Variants in NLK observed in about 807,000 individuals in gnomAD.
NLK encodes serine/threonine-protein kinase NLK.
Under a neutral mutation model 59.0 loss-of-function variants are expected in NLK, and 11 were observed. That is an observed-to-expected ratio of 0.19 (90% CI 0.12 to 0.31). The LOEUF (loss-of-function observed/expected upper bound fraction) is 0.31, where lower values mean the gene tolerates loss of function less well. Among genes scored for constraint, NLK ranks in the 10% least tolerant of loss-of-function variants. The pLI is 1.00. For missense variants in NLK, 410 were observed against 661.1 expected (o/e 0.62, Z 4.16); for synonymous variants, 235 against 235.9 (o/e 1.00, Z 0.03).
chr17:28,083,690 C>T (rs1910421301), intron 1 of NLK, among the ~76,000 whole-genome samples: 1 of 152,252 alleles, frequency 6.6e-6, no homozygotes, highest in African/African-American at 2.4e-5. Flanking sequence ...CATTCTTTGA[C>T]ATGGATTTAT....
chr17:28,115,796 A>G (rs1365648005), intron 1 of NLK, among the ~76,000 whole-genome samples: 1 of 151,984 alleles, frequency 6.6e-6, no homozygotes, highest in Non-Finnish European at 1.5e-5. Flanking sequence ...CTTGTATAGA[A>G]GTCTTGAGTA....
chr17:28,140,629 G>C (rs986282428), intron 3 of NLK, among the ~76,000 whole-genome samples: 1 of 152,012 alleles, frequency 6.6e-6, no homozygotes, highest in Admixed American at 6.6e-5. Flanking sequence ...TACAAAATAT[G>C]GTTGTTGCCA....
At chr17:28,045,435 G>C (rs560997267) in intron 1 of NLK, among the ~76,000 whole-genome samples, 1 of 152,148 alleles carries the variant, frequency 6.6e-6, no homozygotes, top group Non-Finnish European at 1.5e-5. Flanking sequence ...TCAAGGTACA[G>C]GTTTGGTTTC....
At chr17:28,095,147 G>A (rs1904656166) in intron 1 of NLK, among the ~76,000 whole-genome samples, 1 of 152,150 alleles carries the variant, frequency 6.6e-6, no homozygotes, top group Non-Finnish European at 1.5e-5. Flanking sequence ...GAAAAGGATT[G>A]TCCTCATGGG....
chr17:28,178,188 A>G (rs1908759715), intron 7 of NLK, among the ~76,000 whole-genome samples: 1 of 152,214 alleles, frequency 6.6e-6, no homozygotes, highest in African/African-American at 2.4e-5. Flanking sequence ...ATATTGGGTT[A>G]GCCATCCCAT....
chr17:28,176,561 A>G (rs1222765834), intron 7 of NLK, among the ~76,000 whole-genome samples: 2 of 152,230 alleles, frequency 1.3e-5, no homozygotes, highest in African/African-American at 2.4e-5. Flanking sequence ...GCCTAATGTC[A>G]TAAGCCAGAT....
At position 28,042,706 on chromosome 17, in the gene NLK, G is replaced by C; in HGVS notation, c.-168G>C. The C allele has an allele frequency of 3.7e-6, 2 of 546,620 alleles. No homozygotes were observed. The highest frequency in any genetic ancestry group is 6.0e-6 in the Non-Finnish European group (2 of 331,854). The allele number at this position is 546,620 out of a possible 1,614,324, so 33.9% of individuals were successfully genotyped here. Reference sequence around the variant, plus strand: ...TGGCAACCCACACCCTTCCACACACGCTCACCCCAAAATTAAACACCAAGA... The same window carrying C: ...TGGCAACCCACACCCTTCCACACACCCTCACCCCAAAATTAAACACCAAGA... On this transcript the variant is annotated 5_prime_UTR_variant, in exon 1 of 11. Transcript: ENST00000407008.
chr17:28,103,946 T>C (rs1193853405), intron 1 of NLK, among the ~76,000 whole-genome samples: 1 of 152,372 alleles, frequency 6.6e-6, no homozygotes, highest in East Asian at 1.9e-4. Context: ...AGAATTCTTT[T>C]TCAACTTGAA....
intron 1 of NLK, among the ~76,000 whole-genome samples, chr17:28,120,271 T>TGTGTGG (rs1905982896): frequency 7.0e-6 from 1 of 142,698 alleles, no homozygotes; most frequent in African/African-American, 2.8e-5. Context: ...TGTGTGTGTG[T>TGTGTGG]GTATGTGTGT....
chr17:28,066,644 G>A (rs1474834881), intron 1 of NLK, among the ~76,000 whole-genome samples: 1 of 152,206 alleles, frequency 6.6e-6, no homozygotes, highest in Non-Finnish European at 1.5e-5. Flanking sequence ...GGAGTGGAAT[G>A]ACTGGTTCAA....
intron 2 of NLK, among the ~76,000 whole-genome samples, chr17:28,129,440 A>G (rs1906424856): frequency 6.6e-6 from 1 of 152,132 alleles, no homozygotes; most frequent in African/African-American, 2.4e-5. Context: ...GAGACAGAGC[A>G]AGGCTCCCGT....
chr17:28,155,364 C>T (rs999337115), intron 3 of NLK, among the ~76,000 whole-genome samples: 1 of 152,158 alleles, frequency 6.6e-6, no homozygotes, highest in Non-Finnish European at 1.5e-5. Context: ...TTGTGGAAGA[C>T]AGTGTGGCGA....
downstream of NLK, among the ~76,000 whole-genome samples, chr17:28,196,767 T>TCTGCCTC (rs1289696304): frequency 6.6e-6 from 1 of 152,198 alleles, no homozygotes; most frequent in African/African-American, 2.4e-5. Flanking sequence ...CCTCTTCACT[T>TCTGCCTC]CTGCCTCCTG....
intron 1 of NLK, among the ~76,000 whole-genome samples, chr17:28,066,874 G>A (rs771376051): frequency 7.9e-5 from 12 of 152,114 alleles, no homozygotes; most frequent in Non-Finnish European, 1.5e-4. Flanking sequence ...CTTTTCAAGT[G>A]CTTATTAGCT....
chr17:28,098,764 C>G (rs1033741729), intron 1 of NLK, among the ~76,000 whole-genome samples: 5 of 150,634 alleles, frequency 3.3e-5, no homozygotes, highest in African/African-American at 1.2e-4. Flanking sequence ...CTCACCACAC[C>G]CTCCGCCTCC....
At chr17:28,089,341 A>T (rs1904398143) in intron 1 of NLK, among the ~76,000 whole-genome samples, 1 of 152,028 alleles carries the variant, frequency 6.6e-6, no homozygotes, top group Admixed American at 6.6e-5. Flanking sequence ...ACTCTTTTTC[A>T]TCTGGCTTCT....
chr17:28,143,393 C>T (rs1907098509), intron 3 of NLK, among the ~76,000 whole-genome samples: 1 of 152,012 alleles, frequency 6.6e-6, no homozygotes, highest in Non-Finnish European at 1.5e-5. Context: ...CAATATGGGA[C>T]CTACTTGATA....
intron 3 of NLK, among the ~76,000 whole-genome samples, chr17:28,147,097 T>C (rs1054225457): frequency 6.6e-6 from 1 of 152,186 alleles, no homozygotes. Context: ...TTTTCCAACC[T>C]CTTGGCTGTT....
chr17:28,074,289 A>G (rs765218024), intron 1 of NLK, among the ~76,000 whole-genome samples: 3 of 152,338 alleles, frequency 2.0e-5, no homozygotes, highest in South Asian at 2.1e-4. Flanking sequence ...ACATTTGCCT[A>G]TGTAACAAAC....
Sources: gnomAD v4.1 joint callset for allele counts (sites outside exome capture counted in the v4.1 genomes callset) on GRCh38, gnomAD v4.1.1 for gene constraint, MANE v1.5 for transcripts, NCBI Gene and HGNC (gene_info 2026-07-23, HGNC 2026-07-21) for gene names.